Variants in CYP24A1 observed in about 807,000 individuals in gnomAD.
CYP24A1 encodes the protein 1,25-dihydroxyvitamin D(3) 24-hydroxylase, mitochondrial.
Under a neutral mutation model 62.4 loss-of-function variants are expected in CYP24A1, and 68 were observed. The observed-to-expected ratio is 1.09, with a 90% confidence interval of 0.90 to 1.33. The LOEUF is 1.33. CYP24A1 is among the 40% of genes most tolerant of loss of function. The pLI is 0.00. For synonymous variants in CYP24A1, 267 were observed against 253.0 expected, an observed-to-expected ratio of 1.06 and a Z score of -0.52; for missense variants, 787 against 653.0, an observed-to-expected ratio of 1.21 and a Z score of -2.24.
At chr20:54,164,078 G>A (rs2092662206) in intron 6 of CYP24A1, among the ~76,000 whole-genome samples, 1 of 152,154 alleles carries the variant, frequency 6.6e-6, no homozygotes, top group Non-Finnish European at 1.5e-5. Context: ...TGGGATTACA[G>A]GTGCCCACCA....
chr20:54,173,188 G>A lies in CYP24A1; in HGVS notation c.259-89C>T, dbSNP rs2092700721. 6.5e-7 allele frequency: 1 copy of A among 1,538,302 alleles called. No homozygotes were observed. Among genetic ancestry groups the A allele is most frequent in the Non-Finnish European group, 8.9e-7 (1 of 1,122,800 alleles). ...CCTCCTCCCGCCTCCTTCCTCCTAGGGGACCGGGGACCCTCCCTGCCCAGA... is the reference window on the plus strand; with the variant it reads ...CCTCCTCCCGCCTCCTTCCTCCTAGAGGACCGGGGACCCTCCCTGCCCAGA... On this transcript the variant is annotated intron_variant, in intron 1 of 11. Transcript: ENST00000216862. The surrounding 1 kb of genome is among the most constrained non-coding windows in gnomAD (Gnocchi z 7.2).
intron 2 of CYP24A1, chr20:54,171,927 T>C: frequency 1.2e-6 from 1 of 859,448 alleles, no homozygotes; most frequent in South Asian, 1.8e-5. Context: ...GTCCAGATAA[T>C]TTGGGTTCAG....
intron 4 of CYP24A1, among the ~76,000 whole-genome samples, chr20:54,166,901 T>C (rs888104651): frequency 2.0e-5 from 3 of 152,054 alleles, no homozygotes; most frequent in African/African-American, 7.2e-5. Context: ...TATTCAGGCA[T>C]GGCTACATGT....
rs888532978 is a variant in CYP24A1, at chr20:54,159,037, T to C, written c.1077A>G (p.Val359=). 4.3e-6 allele frequency: 7 copies of C among 1,614,112 alleles called. No individual in the cohort carries two copies. The highest frequency in any genetic ancestry group is 1.7e-6 in the Non-Finnish European group (2 of 1,179,934). ...CCCGTGGCACCTGATTCTCAGGTAA[T>C]ACACTTTGAATTTCCTTAAGAAGCT... ...QQKLLKEIQS[V]LPENQVPRAE... is the part of the protein sequence containing the mutation. The change falls in exon 8 of 12, where the codon GTA becomes GTG. Residue 359 remains valine (V), a synonymous_variant. Coordinates refer to ENST00000216862, the MANE Select transcript of CYP24A1 (RefSeq NM_000782.5).
chr20:54,146,010 C>T, the CYP24A1 span, among the ~76,000 whole-genome samples: 1 of 152,156 alleles, frequency 6.6e-6, no homozygotes, highest in African/African-American at 2.4e-5. Flanking sequence ...ATATTACCAG[C>T]AATAAAAATT....
intron 5 of CYP24A1, 74 bp from the exon 6 acceptor site, chr20:54,164,637 A>G: frequency 6.2e-7 from 1 of 1,612,072 alleles, no homozygotes; most frequent in Non-Finnish European, 8.5e-7. Flanking sequence ...TGGAAGAGGA[A>G]CATTCTAAAC....
At position 54,153,477 on chromosome 20, in the gene CYP24A1, C is replaced by T. The variant is rs1445779889; in HGVS notation, c.*1295G>A. ...ATTTAAAAACTTTTATTTTTACTTT[C>T]AGAGAATTTGAAGGTATACAGATGA... is the stretch of plus-strand genomic sequence containing the variant. On this transcript the variant is annotated 3_prime_UTR_variant, in exon 12 of 12. Coordinates refer to ENST00000216862, the MANE Select transcript of CYP24A1 (RefSeq NM_000782.5). 1 of 151,262 alleles carries T rather than the reference C, an allele frequency of 6.6e-6. No homozygotes were observed. Among genetic ancestry groups the T allele is most frequent in the Non-Finnish European group, 1.5e-5 (1 of 67,966 alleles). 9.4% of individuals were successfully genotyped at this position (151,262 alleles called of 1,614,324 possible). A position where few individuals can be genotyped will look rare whatever the true frequency, so the allele number is the denominator to read the frequency against.
At chr20:54,167,308 T>G (rs2092675578) in intron 4 of CYP24A1, among the ~76,000 whole-genome samples, 1 of 152,170 alleles carries the variant, frequency 6.6e-6, no homozygotes, top group Non-Finnish European at 1.5e-5. Context: ...CCACTGGGAA[T>G]ATGTGAGATA....
downstream of CYP24A1, among the ~76,000 whole-genome samples, chr20:54,149,827 C>T (rs1461711021): frequency 6.6e-6 from 1 of 152,164 alleles, no homozygotes; most frequent in African/African-American, 2.4e-5. Context: ...CACCTCTTGC[C>T]TTATTTCTCA....
intron 8 of CYP24A1, among the ~76,000 whole-genome samples, chr20:54,158,447 C>T (rs1288659547): frequency 2.6e-5 from 4 of 152,152 alleles, no homozygotes; most frequent in African/African-American, 4.8e-5. Flanking sequence ...TGTATGTTTC[C>T]GTGCTAGCCC....
downstream of CYP24A1, among the ~76,000 whole-genome samples, chr20:54,152,905 C>T (rs952942602): frequency 1.7e-4 from 26 of 152,318 alleles, no homozygotes; most frequent in Admixed American, 1.6e-3. Context: ...CAGCTGGGAG[C>T]TCCTGCAGAG....
Position 54,157,224 on chromosome 20 carries a change from G to A in CYP24A1, c.1500C>T (p.Thr500=), listed in dbSNP as rs543572030. ...NEPVEMLHSG[T]LVPSRELPIA... ...TGGGGAGTTCCCGGCTGGGCACCAGGGTGCCTGAGTGTAGCATCTCAACAG... is the reference window on the plus strand; with the variant it reads ...TGGGGAGTTCCCGGCTGGGCACCAGAGTGCCTGAGTGTAGCATCTCAACAG... The change falls in exon 11 of 12, where the codon ACC becomes ACT. Residue 500 remains threonine, a synonymous_variant. Coordinates refer to ENST00000216862, the MANE Select transcript of CYP24A1 (RefSeq NM_000782.5). 25 of 1,613,330 alleles carry A rather than the reference G, an allele frequency of 1.5e-5. No individual in the cohort carries two copies. In the Admixed American group the frequency reaches 2.5e-4, roughly 16 times the overall value.
At chr20:54,157,764 T>C (rs1387901705) in intron 9 of CYP24A1, among the ~76,000 whole-genome samples, 179 bp from the exon 10 acceptor site, 2 of 152,186 alleles carry the variant, frequency 1.3e-5, no homozygotes, top group Non-Finnish European at 2.9e-5. Context: ...GGTAAAGGGC[T>C]TTAGAATTGT....
At chr20:54,152,585 GAGC>G (rs1454983298), downstream of CYP24A1, among the ~76,000 whole-genome samples, 3 of 152,238 alleles carry the variant, frequency 2.0e-5, no homozygotes, top group African/African-American at 7.2e-5. Flanking sequence ...GGCAGAGAAA[GAGC>G]ATGCCGGGAG....
rs1238041646 is a variant in CYP24A1, at chr20:54,162,803, G to A, written c.904C>T (p.Leu302Phe). The A allele has an allele frequency of 1.4e-5, 21 of 1,552,568 alleles. No homozygotes were observed. Among genetic ancestry groups the A allele is most frequent in the Non-Finnish European group, 1.8e-5 (20 of 1,124,272 alleles). The change falls in exon 7 of 12, where the codon CTT becomes TTT. Residue 302 changes from leucine to phenylalanine, a missense_variant. By Grantham distance (22) the Leu-to-Phe change is conservative. Transcript: ENST00000216862. ...KYSQQPSADFLCDIYHQNRLS... is the reference protein window; with the variant it reads ...KYSQQPSADFFCDIYHQNRLS... Reference sequence around the variant, plus strand: ...CGATTCTGGTGATAAATGTCACAAAGGAAATCTGCACTAGGCTGCTGAGAA... The same window carrying A: ...CGATTCTGGTGATAAATGTCACAAAAGAAATCTGCACTAGGCTGCTGAGAA...
chr20:54,145,080 G>T, the CYP24A1 span, among the ~76,000 whole-genome samples: 2 of 152,154 alleles, frequency 1.3e-5, no homozygotes, highest in Admixed American at 6.5e-5. Flanking sequence ...CCAGCAAAAA[G>T]TATGCTAGAA....
chr20:54,161,899 G>T (rs1568968624), intron 7 of CYP24A1, among the ~76,000 whole-genome samples: 1 of 152,196 alleles, frequency 6.6e-6, no homozygotes, highest in Non-Finnish European at 1.5e-5. Flanking sequence ...ATAAACAACT[G>T]CTTTACATTT....
chr20:54,158,281 A>G, intron 8 of CYP24A1, 117 bp from the exon 9 acceptor site: 1 of 1,545,720 alleles, frequency 6.5e-7, no homozygotes, highest in Non-Finnish European at 8.7e-7. Flanking sequence ...TCAAAGAGGC[A>G]GCATGATCAC....
At chr20:54,159,249 C>T in intron 7 of CYP24A1, 126 bp from the exon 8 acceptor site, 3 of 758,822 alleles carry the variant, frequency 4.0e-6, no homozygotes, top group Non-Finnish European at 4.7e-6. Context: ...TTTCACGCGT[C>T]CTTATAGCTA....
Sources: allele counts gnomAD v4.1 joint callset (sites outside exome capture counted in the v4.1 genomes callset), GRCh38; gene constraint gnomAD v4.1.1; non-coding constraint Gnocchi (gnomAD v3.1); transcripts MANE v1.5; gene names NCBI Gene and HGNC (gene_info 2026-07-23, HGNC 2026-07-21).